Variants in MDGA1 observed in about 807,000 individuals in gnomAD.
MDGA1 encodes the protein MAM domain containing glycosylphosphatidylinositol anchor 1, also known as MAM domain-containing glycosylphosphatidylinositol anchor protein 1.
A neutral mutation model predicts 101.5 loss-of-function variants in MDGA1; 54 were observed. The observed-to-expected ratio is 0.53, with a 90% confidence interval of 0.43 to 0.67. The LOEUF is 0.67. Among genes scored for constraint, MDGA1 ranks in the 30% least tolerant of loss-of-function variants. The pLI, the probability that MDGA1 is intolerant of heterozygous loss-of-function variation, is 0.00. For synonymous variants in MDGA1, 533 were observed against 558.3 expected, an observed-to-expected ratio of 0.95 and a Z score of 0.64; for missense variants, 1,083 against 1,323.8, an observed-to-expected ratio of 0.82 and a Z score of 2.82.
rs1052396370 is a variant in MDGA1 at position 37,697,784 on chromosome 6, C to T, written c.-973G>A. On this transcript the variant is annotated 5_prime_UTR_variant, in exon 1 of 17. Coordinates refer to ENST00000434837, the MANE Select transcript of MDGA1 (RefSeq NM_153487.4). ...GCCCGGCGGCCTTGGCCTGCGGGGG[C>T]CCAGAGCGGGCGGGGCCGGGCCGGG... is the stretch of plus-strand genomic sequence containing the variant. The T allele has an allele frequency of 1.9e-4, 29 of 149,212 alleles. No individual in the cohort carries two copies. Among genetic ancestry groups the T allele is most frequent in the African/African-American group, 6.6e-4 (27 of 41,150 alleles). The allele number at this position is 149,212 out of a possible 1,614,324, so 9.2% of individuals were successfully genotyped here.
At chr6:37,673,969 C>T (rs1761925284) in intron 1 of MDGA1, among the ~76,000 whole-genome samples, 1 of 152,184 alleles carries the variant, frequency 6.6e-6, no homozygotes, top group Non-Finnish European at 1.5e-5. Flanking sequence ...AGGGCACACA[C>T]AATCACCTTT....
intron 1 of MDGA1, among the ~76,000 whole-genome samples, chr6:37,683,651 T>C (rs1384124349): frequency 1.3e-5 from 2 of 152,226 alleles, no homozygotes; most frequent in Non-Finnish European, 2.9e-5. Context: ...GGTGTATACA[T>C]GCCCTAGTTC....
chr6:37,662,031 C>T (rs150295560), intron 2 of MDGA1, among the ~76,000 whole-genome samples: 1,613 of 151,264 alleles, frequency 0.011, 30 homozygotes, highest in African/African-American at 0.036. Flanking sequence ...GGCATGGAGG[C>T]GCATGCCTGT....
chr6:37,645,815 A>C, intron 12 of MDGA1, 118 bp downstream of exon 12: 1 of 1,214,212 alleles, frequency 8.2e-7, no homozygotes, highest in South Asian at 1.3e-5. Flanking sequence ...ATGGAAACAC[A>C]GGGGGAATTC....
chr6:37,644,388 G>T, intron 13 of MDGA1, 109 bp downstream of exon 13: 1 of 1,185,560 alleles, frequency 8.4e-7, no homozygotes, highest in Non-Finnish European at 1.1e-6. Context: ...ACAGGGCTGC[G>T]TCTCCCTCAG....
chr6:37,684,042 T>C (rs878969550), intron 1 of MDGA1, among the ~76,000 whole-genome samples: 2 of 152,222 alleles, frequency 1.3e-5, no homozygotes, highest in Admixed American at 1.3e-4. Flanking sequence ...ACCACTCCCC[T>C]GGAAACTTCC....
chr6:37,631,930 TG>T lies in MDGA1; in HGVS notation c.*5437del, dbSNP rs1178736823. On this transcript the variant is annotated 3_prime_UTR_variant, in exon 17 of 17. Transcript: ENST00000434837. ...AAGCGTGTAGGAGGGATGGTAGGGT[TG>T]GGTGCCGAGAAGGGAAAATGGCATT... is the stretch of plus-strand genomic sequence containing the variant. 1.3e-5 allele frequency: 2 copies of T among 152,182 alleles called. No individual in the cohort carries two copies. The highest frequency in any genetic ancestry group is 2.9e-5 in the Non-Finnish European group (2 of 68,022). The allele number at this position is 152,182 out of a possible 1,614,324, so 9.4% of individuals were successfully genotyped here. A position where few individuals can be genotyped will look rare whatever the true frequency, so the allele number is the denominator to read the frequency against.
At chr6:37,685,995 G>A (rs766214237) in intron 1 of MDGA1, among the ~76,000 whole-genome samples, 4 of 152,180 alleles carry the variant, frequency 2.6e-5, no homozygotes, top group Non-Finnish European at 2.9e-5. Context: ...CCCCTAAAAC[G>A]GGTATTTGTG....
At chr6:37,667,411 C>T (rs1273900113) in intron 1 of MDGA1, among the ~76,000 whole-genome samples, 1 of 152,238 alleles carries the variant, frequency 6.6e-6, no homozygotes, top group Non-Finnish European at 1.5e-5. Context: ...GATTAGATGA[C>T]TTCTGAGGTC....
At position 37,696,808 on chromosome 6, in the gene MDGA1, C is replaced by G; in HGVS notation, c.4G>C (p.Glu2Gln). 1 of 1,573,038 alleles carries G rather than the reference C, an allele frequency of 6.4e-7. No individual in the cohort carries two copies. The highest frequency in any genetic ancestry group is 8.6e-7 in the Non-Finnish European group (1 of 1,158,752). The change falls in exon 1 of 17, where the codon GAG becomes CAG. Residue 2 changes from glutamate (E) to glutamine (Q), a missense_variant. Around this residue, in one of 3 missense-constraint regions of MDGA1, gnomAD observed 310 missense variants for 355.9 expected, o/e 0.87. Transcript: ENST00000434837. This position sits in a 1 kb window ranked among gnomAD's most constrained non-coding sequence, Gnocchi z 5.6. M[E>Q]VTCLLLLALI... ...GCCAGAAGTAGAAGGCAGGTCACCT[C>G]CATCTTCACGGCCGGTGCTTCATCC...
intron 10 of MDGA1, 30 bp from the exon 11 acceptor site, chr6:37,646,405 T>C (rs1032412197): frequency 2.1e-6 from 3 of 1,431,742 alleles, no homozygotes; most frequent in African/African-American, 2.8e-5. Flanking sequence ...CCCAGATGCC[T>C]AGGAAGTCAG....
chr6:37,637,469 G>A lies in MDGA1; in HGVS notation c.2777-10C>T, dbSNP rs1561837157. 6.2e-7 allele frequency: 1 copy of A among 1,610,890 alleles called. No individual in the cohort carries two copies. Among genetic ancestry groups the A allele is most frequent in the Non-Finnish European group, 8.5e-7 (1 of 1,177,710 alleles). On this transcript the variant is annotated splice_polypyrimidine_tract_variant and intron_variant, in intron 16 of 16. Transcript: ENST00000434837. Reference sequence around the variant, plus strand: ...CCCGGCATCACCACCACTGCAACAGGGGAGAAAGAGGAGACAGGCCAGGGC... The same window carrying A: ...CCCGGCATCACCACCACTGCAACAGAGGAGAAAGAGGAGACAGGCCAGGGC...
At position 37,631,439 on chromosome 6, in the gene MDGA1, T is replaced by C. The variant is rs1035024584; in HGVS notation, c.*5929A>G. 2.0e-5 allele frequency: 3 copies of C among 152,120 alleles called. No homozygotes were observed. Among genetic ancestry groups the C allele is most frequent in the Non-Finnish European group, 4.4e-5 (3 of 68,030 alleles). The allele number at this position is 152,120 out of a possible 1,614,324, so 9.4% of individuals were successfully genotyped here. The stretch of plus-strand genomic sequence containing the variant: ...ACCCAACATGAGAGCCAATAAAACT[T>C]AGGTGGTAGGGAGAGGGAGCCCTTG... On this transcript the variant is annotated 3_prime_UTR_variant, in exon 17 of 17. Coordinates refer to ENST00000434837, the MANE Select transcript of MDGA1 (RefSeq NM_153487.4).
chr6:37,664,182 G>C, intron 1 of MDGA1, 76 bp from the exon 2 acceptor site: 6 of 1,572,214 alleles, frequency 3.8e-6, no homozygotes, highest in Non-Finnish European at 5.2e-6. Context: ...TCCCTCCTGA[G>C]TGTATCTGGG....
rs530846352 is a variant in MDGA1 at position 37,681,348 on chromosome 6, A to C, written c.67+15397T>G. Among the ~76,000 whole-genome samples the C allele has an allele frequency of 3.3e-5, 5 of 152,192 alleles. No individual in the cohort carries two copies. In the South Asian group the frequency reaches 1.0e-3, roughly 32 times the overall value. ...GCCCCCCCTCTTCAGGTCTCCTAGG[A>C]AGGGTGGTGGGGGCCATACCCAGGC... On this transcript the variant is annotated intron_variant, in intron 1 of 16. Coordinates refer to ENST00000434837, the MANE Select transcript of MDGA1 (RefSeq NM_153487.4).
intron 14 of MDGA1, among the ~76,000 whole-genome samples, chr6:37,641,213 C>T (rs1275927102): frequency 3.9e-5 from 6 of 152,180 alleles, no homozygotes; most frequent in African/African-American, 1.4e-4. Context: ...GGCTCTCTCC[C>T]ACCAGGGGGT....
intron 2 of MDGA1, among the ~76,000 whole-genome samples, chr6:37,661,891 A>T (rs1761632620): frequency 6.6e-6 from 1 of 152,126 alleles, no homozygotes; most frequent in Admixed American, 6.5e-5. Flanking sequence ...GCAATGGCTC[A>T]TGCCCGTAAT....
chr6:37,642,143 A>ATACG (rs1432646319), intron 14 of MDGA1, among the ~76,000 whole-genome samples: 1 of 82,762 alleles, frequency 1.2e-5, no homozygotes, highest in African/African-American at 3.6e-5. Flanking sequence ...TAGATTATAT[A>ATACG]TATGTATATA....
intron 1 of MDGA1, among the ~76,000 whole-genome samples, chr6:37,687,839 A>G (rs1463297498): frequency 6.6e-6 from 1 of 152,060 alleles, no homozygotes; most frequent in Non-Finnish European, 1.5e-5. Flanking sequence ...AGGTACCATA[A>G]TTTACCTATT....
Sources: gnomAD v4.1 joint callset for allele counts (sites outside exome capture counted in the v4.1 genomes callset) on GRCh38, gnomAD v4.1.1 for gene constraint, gnomAD v4.1.1 regional missense constraint, Gnocchi (gnomAD v3.1) non-coding constraint, MANE v1.5 for transcripts, NCBI Gene and HGNC (gene_info 2026-07-23, HGNC 2026-07-21) for gene names.